PLCB4: variants seen among roughly 807,000 people sequenced by gnomAD.
PLCB4 encodes 1-phosphatidylinositol 4,5-bisphosphate phosphodiesterase beta-4.
A neutral mutation model predicts 178.8 loss-of-function variants in PLCB4; 77 were observed. The observed-to-expected ratio is 0.43, with a 90% CI of 0.36 to 0.52. The LOEUF (loss-of-function observed/expected upper bound fraction) is 0.52, where lower values mean the gene tolerates loss of function less well. Among genes scored for constraint, PLCB4 ranks in the 20% least tolerant of loss-of-function variants. PLCB4 has a pLI of 0.00. For synonymous variants in PLCB4, 496 were observed against 490.8 expected (o/e 1.01, Z -0.14); for missense variants, 1,024 against 1,453.4 (o/e 0.70, Z 4.80).
intron 28 of PLCB4, among the ~76,000 whole-genome samples, chr20:9,428,799 T>A (rs1435254733): frequency 6.6e-6 from 1 of 152,128 alleles, no homozygotes; most frequent in Non-Finnish European, 1.5e-5. Context: ...TGGGCAGTGC[T>A]CACCACTGAG....
chr20:9,204,663 G>A (rs1029480504), intron 2 of PLCB4, among the ~76,000 whole-genome samples: 1 of 151,864 alleles, frequency 6.6e-6, no homozygotes, highest in African/African-American at 2.4e-5. Context: ...GCGCCCGGCC[G>A]CTCTAAGACT....
chr20:9,333,944 A>G (rs1157647044), intron 4 of PLCB4, among the ~76,000 whole-genome samples: 1 of 152,204 alleles, frequency 6.6e-6, no homozygotes, highest in East Asian at 1.9e-4. Context: ...AGTTATGGAC[A>G]TACTTATTTC....
At chr20:9,268,882 T>A (rs965509267) in intron 3 of PLCB4, among the ~76,000 whole-genome samples, 3 of 152,212 alleles carry the variant, frequency 2.0e-5, no homozygotes, top group African/African-American at 7.2e-5. Flanking sequence ...GAAGGTATTT[T>A]TAGCTACACA....
chr20:9,271,158 G>C (rs3920495), intron 3 of PLCB4, among the ~76,000 whole-genome samples: 78,508 of 151,970 alleles, frequency 0.52, 23,116 homozygotes, highest in African/African-American at 0.81. Flanking sequence ...ACCCCTGCCT[G>C]TTTTCTGAAG....
intron 2 of PLCB4, among the ~76,000 whole-genome samples, chr20:9,206,291 T>C (rs1435545891): frequency 4.4e-5 from 5 of 113,366 alleles, no homozygotes; most frequent in African/African-American, 1.8e-4. Context: ...GCCTTTTTTT[T>C]CTTTTTTCTT....
chr20:9,384,078 G>A, intron 13 of PLCB4, 123 bp from the exon 14 acceptor site: 1 of 697,830 alleles, frequency 1.4e-6, no homozygotes, highest in Non-Finnish European at 2.5e-6. Flanking sequence ...GAAAGTTCTT[G>A]GGAAAGAGAC....
At chr20:9,113,595 A>G (rs1181023136) in intron 2 of PLCB4, among the ~76,000 whole-genome samples, 1 of 152,202 alleles carries the variant, frequency 6.6e-6, no homozygotes, top group Non-Finnish European at 1.5e-5. Flanking sequence ...TTTGTGGAGT[A>G]TTACTTTTCT....
intron 3 of PLCB4, among the ~76,000 whole-genome samples, chr20:9,264,534 T>C (rs1322475878): frequency 6.6e-6 from 1 of 152,188 alleles, no homozygotes; most frequent in African/African-American, 2.4e-5. Flanking sequence ...GTTTATGTTG[T>C]TGGAGTAGAA....
At chr20:9,116,925 G>A (rs1169633013) in intron 2 of PLCB4, among the ~76,000 whole-genome samples, 3 of 151,954 alleles carry the variant, frequency 2.0e-5, no homozygotes, top group Non-Finnish European at 4.4e-5. Context: ...ACTTATTTCT[G>A]CATGCCTTAG....
intron 3 of PLCB4, among the ~76,000 whole-genome samples, chr20:9,236,414 A>T (rs2093993647): frequency 6.6e-6 from 1 of 152,192 alleles, no homozygotes; most frequent in South Asian, 2.1e-4. Flanking sequence ...AGGACACAAG[A>T]TCTTTTCAGG....
intron 7 of PLCB4, among the ~76,000 whole-genome samples, chr20:9,343,902 C>T (rs1268676542): frequency 6.6e-6 from 1 of 152,242 alleles, no homozygotes; most frequent in Non-Finnish European, 1.5e-5. Context: ...CAGAATCCAG[C>T]TGCTCCTCAC....
chr20:9,317,941 A>G (rs1260284743), intron 4 of PLCB4, among the ~76,000 whole-genome samples: 1 of 152,168 alleles, frequency 6.6e-6, no homozygotes, highest in Non-Finnish European at 1.5e-5. Flanking sequence ...TTTACTAAAA[A>G]TACAAAAATT....
intron 36 of PLCB4, among the ~76,000 whole-genome samples, chr20:9,470,845 T>C (rs779230863): frequency 6.6e-6 from 1 of 152,226 alleles, no homozygotes; most frequent in Non-Finnish European, 1.5e-5. Context: ...CTATCTCTTA[T>C]AAGTTTGTAT....
intron 2 of PLCB4, among the ~76,000 whole-genome samples, chr20:9,147,654 A>G (rs564432851): frequency 2.1e-4 from 32 of 152,218 alleles, no homozygotes; most frequent in African/African-American, 7.5e-4. Context: ...TATGTGTCTC[A>G]TCCTAAGATA....
intron 32 of PLCB4, among the ~76,000 whole-genome samples, chr20:9,449,099 C>T (rs1357900893): frequency 6.6e-6 from 1 of 152,124 alleles, no homozygotes; most frequent in Non-Finnish European, 1.5e-5. Flanking sequence ...TCTAGAACCA[C>T]TTCAATTCGA....
At chr20:9,360,058 T>A (rs919659218) in intron 7 of PLCB4, among the ~76,000 whole-genome samples, 1 of 152,158 alleles carries the variant, frequency 6.6e-6, no homozygotes, top group Non-Finnish European at 1.5e-5. Flanking sequence ...GGCAAGCCAT[T>A]GGGTGAAAAT....
rs375944506 is a variant in PLCB4, at chr20:9,406,549, C to T, written c.1647+1201C>T. Among the ~76,000 whole-genome samples, 12 of 150,596 alleles carry T rather than the reference C, an allele frequency of 8.0e-5. No homozygotes were observed. The East Asian group carries it at 9.8e-4, about 12-fold the overall frequency. On this transcript the variant is annotated intron_variant, in intron 21 of 39. Coordinates refer to ENST00000378473, the MANE Select transcript of PLCB4 (RefSeq NM_001377142.1). The stretch of plus-strand genomic sequence containing the variant: ...TGTTGCCCAGGCTGGAGTGCAGTGG[C>T]GTGATCTCCGCTCACTGAAAGCTCT...
chr20:9,414,287 T>C (rs2148530232), intron 25 of PLCB4, among the ~76,000 whole-genome samples: 1 of 152,292 alleles, frequency 6.6e-6, no homozygotes, highest in East Asian at 1.9e-4. Context: ...TACACCCAGC[T>C]GGTGGCAAAG....
chr20:9,467,060 A>C (rs534834013), intron 35 of PLCB4, among the ~76,000 whole-genome samples: 229 of 152,248 alleles, frequency 1.5e-3, no homozygotes, highest in Non-Finnish European at 2.5e-3. Flanking sequence ...CTGGATTAAA[A>C]AAATGTGGCA....
Sources: gnomAD v4.1 joint callset for allele counts (sites outside exome capture counted in the v4.1 genomes callset) on GRCh38, gnomAD v4.1.1 for gene constraint, MANE v1.5 for transcripts, NCBI Gene and HGNC (gene_info 2026-07-23, HGNC 2026-07-21) for gene names.